The following NHSL2 variants were observed in gnomAD, a reference collection of about 807,000 sequenced individuals.
NHSL2 encodes NHS-like protein 2.
Under a neutral mutation model 53.4 loss-of-function variants are expected in NHSL2, and 27 were observed. The ratio of observed to expected loss-of-function variants is 0.51; its 90% CI spans 0.37 to 0.70. The LOEUF is 0.70. Among genes scored for constraint, NHSL2 ranks in the 30% least tolerant of loss-of-function variants. The pLI, the probability that NHSL2 is intolerant of heterozygous loss-of-function variation, is 0.00. For missense variants in NHSL2, 892 were observed against 980.1 expected, an observed-to-expected ratio of 0.91 and a Z score of 1.20; for synonymous variants, 408 against 404.1, an observed-to-expected ratio of 1.01 and a Z score of -0.12.
At chrX:72,088,399 CTTAA>C (rs1307492210) in intron 1 of NHSL2, among the ~76,000 whole-genome samples, 1 of 112,516 alleles carries the variant, frequency 8.9e-6, no homozygotes, top group Admixed American at 9.4e-5. Flanking sequence ...GAGTCTGGAA[CTTAA>C]TTAATAGGGA....
rs1333152650 is a variant in NHSL2 at position 71,934,214 on chromosome X, C to T, written c.280+22847C>T. ...CTTGCTTGACTTCTTTCATCAATAC[C>T]ATGCCGCTTCCCAGGGTTTACATAA... On this transcript the variant is annotated intron_variant, in intron 1 of 7. Coordinates refer to ENST00000633930, the MANE Select transcript of NHSL2 (RefSeq NM_001013627.3). Among the ~76,000 whole-genome samples, 4 of 111,980 alleles carry T rather than the reference C, an allele frequency of 3.6e-5. No homozygotes were observed. In the South Asian group the frequency reaches 1.5e-3, roughly 42 times the overall value.
intron 1 of NHSL2, among the ~76,000 whole-genome samples, chrX:72,080,979 G>A (rs1005051529): frequency 1.3e-4 from 14 of 111,836 alleles, no homozygotes; most frequent in African/African-American, 4.6e-4. Flanking sequence ...GTGGGGGAGG[G>A]GGCGCGTGAT....
chrX:72,131,790 G>C, intron 1 of NHSL2: 2 of 234,669 alleles, frequency 8.5e-6, no homozygotes, highest in Admixed American at 7.2e-5. Flanking sequence ...GCGGAGGCAC[G>C]GGGCCCGGAG....
At chrX:72,081,847 C>T (rs1312416121) in intron 1 of NHSL2, among the ~76,000 whole-genome samples, 2 of 112,586 alleles carry the variant, frequency 1.8e-5, no homozygotes, top group African/African-American at 6.5e-5. Context: ...AACCTTCCGT[C>T]CTGTAGCTTT....
chrX:71,949,951 G>A (rs1297306137), intron 1 of NHSL2, among the ~76,000 whole-genome samples: 6 of 113,252 alleles, frequency 5.3e-5, no homozygotes, highest in African/African-American at 1.9e-4. Context: ...CCAGCTGTAT[G>A]ACCTCTGGAT....
At chrX:72,058,561 T>C (rs751208978) in intron 1 of NHSL2, among the ~76,000 whole-genome samples, 1 of 111,945 alleles carries the variant, frequency 8.9e-6, no homozygotes, top group South Asian at 3.8e-4. Flanking sequence ...GCCAGGATGG[T>C]CTCGATCTAT....
Position 72,151,067 on chromosome X carries a change from G to A in NHSL2, c.*7493G>A, listed in dbSNP as rs1427923767. On this transcript the variant is annotated 3_prime_UTR_variant, in exon 8 of 8. Coordinates refer to ENST00000633930, the MANE Select transcript of NHSL2 (RefSeq NM_001013627.3). ...GTCTCTCTCTGTAGCCAGGCTGGAGGGCAATTGTACAATCTCGGCTCATTA... is the reference window on the plus strand; with the variant it reads ...GTCTCTCTCTGTAGCCAGGCTGGAGAGCAATTGTACAATCTCGGCTCATTA... 3.6e-5 allele frequency: 4 copies of A among 111,111 alleles called. No individual in the cohort carries two copies. The highest frequency in any genetic ancestry group is 1.3e-4 in the African/African-American group (4 of 30,471). The allele number at this position is 111,111 out of a possible 1,213,427, so 9.2% of individuals were successfully genotyped here. A position where few individuals can be genotyped will look rare whatever the true frequency, so the allele number is the denominator to read the frequency against.
At position 72,138,780 on chromosome X, in the gene NHSL2, T is replaced by C; in HGVS notation, c.1232T>C (p.Val411Ala). ...TPSATSQSNQ[V>A]NENGKNPSCG... ...AGTGCCACCAGCCAGAGCAATCAAG[T>C]CAATGAAAATGGGAAAAATCCTTCC... The change falls in exon 6 of 8, where the codon GTC becomes GCC. Residue 411 changes from valine (V) to alanine (A), a missense_variant. By Grantham distance (64) the Val-to-Ala change is moderately conservative (BLOSUM62 0). Transcript: ENST00000633930. 8.3e-7 allele frequency: 1 copy of C among 1,210,072 alleles called. No individual in the cohort carries two copies.
chrX:72,066,871 T>G (rs2042433407), intron 1 of NHSL2, among the ~76,000 whole-genome samples: 1 of 112,089 alleles, frequency 8.9e-6, no homozygotes, highest in Admixed American at 9.4e-5. Context: ...AGCTCACAGG[T>G]GTAATCCCAG....
At chrX:72,102,750 C>T (rs900899755) in intron 1 of NHSL2, among the ~76,000 whole-genome samples, 2 of 112,356 alleles carry the variant, frequency 1.8e-5, no homozygotes, top group African/African-American at 3.2e-5. Context: ...CATCAGAATA[C>T]AGGTCAAACT....
At chrX:71,926,233 T>C (rs1381185734) in intron 1 of NHSL2, among the ~76,000 whole-genome samples, 1 of 111,664 alleles carries the variant, frequency 9.0e-6, no homozygotes, top group Non-Finnish European at 1.9e-5. Flanking sequence ...ATGAAAAAAA[T>C]AGACTCAGAG....
chrX:72,096,448 T>G (rs59956979), intron 1 of NHSL2, among the ~76,000 whole-genome samples: 15 of 112,217 alleles, frequency 1.3e-4, no homozygotes, highest in African/African-American at 4.2e-4. Flanking sequence ...TAGAGCAGTA[T>G]GATGTCAGTC....
chrX:72,102,743 C>T (rs569203831), intron 1 of NHSL2, among the ~76,000 whole-genome samples: 2 of 112,386 alleles, frequency 1.8e-5, no homozygotes, highest in South Asian at 3.6e-4. Flanking sequence ...TCCCTTTCAT[C>T]AGAATACAGG....
At chrX:71,917,482 C>G (rs2041634414) in intron 1 of NHSL2, among the ~76,000 whole-genome samples, 1 of 110,072 alleles carries the variant, frequency 9.1e-6, no homozygotes, top group Admixed American at 9.8e-5. Context: ...TTCTTTCTAG[C>G]TATCGCACAC....
chrX:71,912,770 A>G (rs761068297), intron 1 of NHSL2, among the ~76,000 whole-genome samples: 52 of 112,226 alleles, frequency 4.6e-4, no homozygotes, highest in Non-Finnish European at 8.5e-4. Flanking sequence ...TTAGTCTAGG[A>G]GAAATTTGAT....
At chrX:72,134,479 C>T (rs1439814857) in intron 3 of NHSL2, 30 bp from the exon 4 acceptor site, 6 of 1,121,975 alleles carry the variant, frequency 5.3e-6, no homozygotes, top group Admixed American at 5.2e-5. Flanking sequence ...GGCAGGAATA[C>T]ACCCTTTCCA....
intron 1 of NHSL2, among the ~76,000 whole-genome samples, chrX:71,936,235 T>C (rs765452612): frequency 5.7e-4 from 64 of 111,858 alleles, no homozygotes; most frequent in Non-Finnish European, 1.1e-3. Context: ...CAGGCTGTGC[T>C]CCCGAAGCCT....
At chrX:72,050,517 A>G (rs1602332320) in intron 1 of NHSL2, among the ~76,000 whole-genome samples, 1 of 112,047 alleles carries the variant, frequency 8.9e-6, no homozygotes, top group Non-Finnish European at 1.9e-5. Flanking sequence ...GCAAATGCCT[A>G]TGATAAACAT....
chrX:72,019,874 T>C lies in NHSL2; in HGVS notation c.280+108507T>C, dbSNP rs1310377007. On this transcript the variant is annotated intron_variant, in intron 1 of 7. Coordinates refer to ENST00000633930, the MANE Select transcript of NHSL2 (RefSeq NM_001013627.3). ...GAATCCAGTTACCCTAGTCAGAGCC[T>C]GACCAGTGCTGGGCAGTCCAAGAGA... Among the ~76,000 whole-genome samples the C allele has an allele frequency of 2.7e-5, 3 of 112,141 alleles. No individual in the cohort carries two copies. In the East Asian group the frequency reaches 8.4e-4, roughly 31 times the overall value.
Sources: gnomAD v4.1 joint callset for allele counts (sites outside exome capture counted in the v4.1 genomes callset) on GRCh38, gnomAD v4.1.1 for gene constraint, MANE v1.5 for transcripts, NCBI Gene and HGNC (gene_info 2026-07-23, HGNC 2026-07-21) for gene names.